LTBP1: variants seen among roughly 807,000 people sequenced by gnomAD.
The protein encoded by LTBP1 is latent transforming growth factor beta binding protein 1.
LTBP1 carries 129 observed loss-of-function variants against 207.6 expected under a neutral mutation model. The ratio of observed to expected loss-of-function variants is 0.62; its 90% confidence interval spans 0.54 to 0.72. The LOEUF (loss-of-function observed/expected upper bound fraction) is 0.72, where lower values mean the gene tolerates loss of function less well. Ranked by LOEUF, LTBP1 falls within the 30% of genes least tolerant of loss-of-function variation. The pLI is 0.00. For missense variants in LTBP1, 2,281 were observed against 2,217.2 expected, an observed-to-expected ratio of 1.03 and a Z score of -0.58; for synonymous variants, 963 against 833.7, an observed-to-expected ratio of 1.16 and a Z score of -2.67.
chr2:33,162,010 A>T (rs962112352), intron 5 of LTBP1, among the ~76,000 whole-genome samples: 4 of 152,256 alleles, frequency 2.6e-5, no homozygotes, highest in Non-Finnish European at 2.9e-5. Flanking sequence ...GAGCTTGAGA[A>T]GCACATGCTG....
At chr2:33,142,637 G>A (rs987770175) in intron 5 of LTBP1, among the ~76,000 whole-genome samples, 1 of 152,184 alleles carries the variant, frequency 6.6e-6, no homozygotes, top group African/African-American at 2.4e-5. Context: ...CTGAGGCAGA[G>A]AAGGGCAGTG....
At chr2:33,272,789 T>C (rs2148350443) in intron 15 of LTBP1, among the ~76,000 whole-genome samples, 1 of 152,272 alleles carries the variant, frequency 6.6e-6, no homozygotes, top group Admixed American at 6.5e-5. Context: ...CATTAGACCT[T>C]CTTACAAAGG....
chr2:33,025,076 A>C (rs1330810385), intron 3 of LTBP1, among the ~76,000 whole-genome samples: 2 of 152,152 alleles, frequency 1.3e-5, no homozygotes, highest in Non-Finnish European at 2.9e-5. Context: ...CAATGTGGCC[A>C]TAAGCTTCTC....
chr2:33,391,950 A>C (rs1006561239), intron 32 of LTBP1, among the ~76,000 whole-genome samples: 8 of 152,164 alleles, frequency 5.3e-5, no homozygotes, highest in African/African-American at 1.9e-4. Context: ...AGTTGCAGAG[A>C]AATATTTCCC....
chr2:33,173,482 A>G (rs1368179520), intron 5 of LTBP1, among the ~76,000 whole-genome samples: 2 of 152,238 alleles, frequency 1.3e-5, no homozygotes, highest in East Asian at 1.9e-4. Context: ...GAATAGACCA[A>G]TAACAGGCTC....
At chr2:33,054,932 G>A (rs184214901) in intron 3 of LTBP1, among the ~76,000 whole-genome samples, 4 of 152,240 alleles carry the variant, frequency 2.6e-5, no homozygotes, top group East Asian at 1.9e-4. Flanking sequence ...GGACATGGAC[G>A]AGGGGGCAGC....
At chr2:33,049,111 G>A (rs540605833) in intron 3 of LTBP1, among the ~76,000 whole-genome samples, 1 of 152,158 alleles carries the variant, frequency 6.6e-6, no homozygotes, top group African/African-American at 2.4e-5. Flanking sequence ...TAAAATAAAT[G>A]TACAGAAATA....
At chr2:33,196,223 C>T (rs926563338) in intron 7 of LTBP1, among the ~76,000 whole-genome samples, 3 of 152,052 alleles carry the variant, frequency 2.0e-5, no homozygotes, top group Non-Finnish European at 4.4e-5. Flanking sequence ...ACAAGTAGCA[C>T]GAACTTGACT....
rs1224440582 is a variant in LTBP1, at chr2:33,352,293, G to A, written c.4000+4783G>A. On this transcript the variant is annotated intron_variant, in intron 26 of 33. Coordinates refer to ENST00000404816, the MANE Select transcript of LTBP1 (RefSeq NM_206943.4). The stretch of plus-strand genomic sequence containing the variant: ...ATTATAGGAGCATACCACCACGCCC[G>A]GCTAATTTTTGTATTTTTAGTAGAG... Among the ~76,000 whole-genome samples the A allele has an allele frequency of 4.0e-5, 6 of 151,832 alleles. 1 individual carries two copies. In the East Asian group the frequency reaches 1.2e-3, roughly 29 times the overall value.
intron 19 of LTBP1, among the ~76,000 whole-genome samples, chr2:33,281,615 C>T (rs2148581740): frequency 6.6e-6 from 1 of 152,298 alleles, no homozygotes; most frequent in Non-Finnish European, 1.5e-5. Context: ...CATCACCAAA[C>T]AGCATCAGCT....
chr2:32,986,563 CTCTTGTGAAA>C (rs1683609279), intron 2 of LTBP1, among the ~76,000 whole-genome samples: 1 of 152,162 alleles, frequency 6.6e-6, no homozygotes, highest in South Asian at 2.1e-4. Context: ...GATGTGGGAT[CTCTTGTGAAA>C]ACAAAAACAG....
chr2:33,015,490 G>A (rs1325414704), intron 2 of LTBP1, among the ~76,000 whole-genome samples: 1 of 152,156 alleles, frequency 6.6e-6, no homozygotes, highest in Non-Finnish European at 1.5e-5. Flanking sequence ...GCTACAGAAA[G>A]TTCTGCATAA....
At chr2:33,178,460 G>A (rs899690333) in intron 5 of LTBP1, among the ~76,000 whole-genome samples, 6 of 152,142 alleles carry the variant, frequency 3.9e-5, no homozygotes, top group African/African-American at 1.4e-4. Context: ...ATAGCGCTTC[G>A]TATCTCCTGG....
chr2:33,234,606 C>T (rs886688927), intron 9 of LTBP1, among the ~76,000 whole-genome samples: 2 of 152,072 alleles, frequency 1.3e-5, no homozygotes, highest in African/African-American at 4.8e-5. Flanking sequence ...TTCCATGCTC[C>T]TGGATAGGAA....
At chr2:33,225,622 G>A (rs914377067) in intron 9 of LTBP1, among the ~76,000 whole-genome samples, 1 of 152,150 alleles carries the variant, frequency 6.6e-6, no homozygotes, top group African/African-American at 2.4e-5. Context: ...CCTCCTACCA[G>A]GTCCCTCCCA....
chr2:33,169,951 T>C lies in LTBP1; in HGVS notation c.1202-16905T>C, dbSNP rs2085267911. ...ATATAATCAGATAGTAAGAAAAATA[T>C]TCACAGCTCAGAAGTTACCTTGAAA... On this transcript the variant is annotated intron_variant, in intron 5 of 33. Transcript: ENST00000404816. Among the ~76,000 whole-genome samples, 6 of 152,330 alleles carry C rather than the reference T, an allele frequency of 3.9e-5. No homozygotes were observed. The South Asian group carries it at 1.0e-3, about 26-fold the overall frequency.
intron 3 of LTBP1, among the ~76,000 whole-genome samples, chr2:33,082,692 C>A (rs572730804): frequency 6.6e-6 from 1 of 152,134 alleles, no homozygotes; most frequent in African/African-American, 2.4e-5. Flanking sequence ...CCCAAAGTGC[C>A]GGGATTACAG....
chr2:32,991,014 T>A (rs1460627707), intron 2 of LTBP1, among the ~76,000 whole-genome samples: 1 of 152,230 alleles, frequency 6.6e-6, no homozygotes. Flanking sequence ...AAAGTAGGAT[T>A]ACACAGTTAA....
At chr2:33,280,914 A>C (rs1389257459) in intron 19 of LTBP1, among the ~76,000 whole-genome samples, 1 of 152,106 alleles carries the variant, frequency 6.6e-6, no homozygotes, top group Non-Finnish European at 1.5e-5. Context: ...ACAAAACATT[A>C]AAAAACTTAC....
Sources: gnomAD v4.1 joint callset for allele counts (sites outside exome capture counted in the v4.1 genomes callset) on GRCh38, gnomAD v4.1.1 for gene constraint, MANE v1.5 for transcripts, NCBI Gene and HGNC (gene_info 2026-07-23, HGNC 2026-07-21) for gene names.